The following MAPK4 variants were observed in gnomAD, a reference collection of about 807,000 sequenced individuals.
The protein encoded by MAPK4 is mitogen-activated protein kinase 4, also known as Erk3-related.
MAPK4 carries 22 observed loss-of-function variants against 47.7 expected under a neutral mutation model. The ratio of observed to expected loss-of-function variants is 0.46; its 90% CI spans 0.33 to 0.66. The LOEUF (loss-of-function observed/expected upper bound fraction) is 0.66, where lower values mean the gene tolerates loss of function less well. MAPK4 is among the 30% of genes least tolerant of loss of function. The probability of loss-of-function intolerance (pLI) is 0.02; values close to 1 mark genes in which losing one functional copy is unlikely to be tolerated. For synonymous variants in MAPK4, 390 were observed against 365.7 expected (o/e 1.07, Z -0.76); for missense variants, 736 against 831.7 (o/e 0.88, Z 1.42).
At chr18:50,654,691 A>G (rs144767587) in intron 1 of MAPK4, among the ~76,000 whole-genome samples, 108 of 152,330 alleles carry the variant, frequency 7.1e-4, no homozygotes, top group African/African-American at 2.5e-3. Flanking sequence ...CAGAAGCTGG[A>G]CTCAGCCTTC....
chr18:50,641,565 C>T (rs1434413253), intron 1 of MAPK4, among the ~76,000 whole-genome samples: 2 of 152,238 alleles, frequency 1.3e-5, no homozygotes, highest in East Asian at 3.9e-4. Flanking sequence ...TTTCAACATA[C>T]TGAAACCCTC....
chr18:50,633,120 A>G (rs1432865386), intron 1 of MAPK4, among the ~76,000 whole-genome samples: 2 of 152,208 alleles, frequency 1.3e-5, no homozygotes, highest in Non-Finnish European at 2.9e-5. Context: ...ATGTCTCTGT[A>G]TGGCAGGGAA....
intron 2 of MAPK4, among the ~76,000 whole-genome samples, chr18:50,707,425 C>T (rs1205785281): frequency 6.6e-6 from 1 of 152,010 alleles, no homozygotes; most frequent in Admixed American, 6.6e-5. Flanking sequence ...CAAAAATTAG[C>T]AAGGCATGGT....
chr18:50,696,287 C>G (rs1050022553), intron 2 of MAPK4, among the ~76,000 whole-genome samples: 5 of 152,200 alleles, frequency 3.3e-5, no homozygotes, highest in African/African-American at 9.6e-5. Context: ...CTTTGTTGGA[C>G]TCCCTTACAC....
At chr18:50,667,595 G>A (rs1005449060) in intron 2 of MAPK4, among the ~76,000 whole-genome samples, 13 of 152,150 alleles carry the variant, frequency 8.5e-5, no homozygotes, top group East Asian at 1.9e-4. Context: ...CTTTGAAGAA[G>A]ACCATGCTCA....
At chr18:50,605,498 T>G (rs1278546672) in intron 1 of MAPK4, among the ~76,000 whole-genome samples, 1 of 152,196 alleles carries the variant, frequency 6.6e-6, no homozygotes, top group African/African-American at 2.4e-5. Flanking sequence ...GGAAGCTGCT[T>G]CCACCTTGCA....
chr18:50,729,424 A>T lies in MAPK4; in HGVS notation c.1334A>T (p.Asp445Val). Residue 445 changes from aspartate to valine, a missense_variant, in exon 6 of 6, where the codon GAC becomes GTC. Asp to Val is a radical substitution (Grantham distance 152). Transcript: ENST00000400384. ...PSYLDKLLWR[D>V]NKPHHYSEPK... ...TACCTGGACAAGCTGCTGTGGCGCG[A>T]CAACAAGCCGCACCACTACTCGGAG... 1 of 1,547,996 alleles carries T rather than the reference A, an allele frequency of 6.5e-7. No homozygotes were observed. Among genetic ancestry groups the T allele is most frequent in the Non-Finnish European group, 8.7e-7 (1 of 1,146,868 alleles).
At chr18:50,580,042 A>G (rs2338830) in intron 1 of MAPK4, among the ~76,000 whole-genome samples, 3 of 152,038 alleles carry the variant, frequency 2.0e-5, no homozygotes, top group Non-Finnish European at 2.9e-5. Flanking sequence ...CATCTCCAAG[A>G]AGCTCTTGAG....
rs72921835 is a variant in MAPK4, at chr18:50,651,606, C to A, written c.-870-11483C>A. The stretch of plus-strand genomic sequence containing the variant: ...GGTCTGACTCTCAGGGTTTCATAAT[C>A]TTTCCATGAAGGAGGCACCCACAGA... On this transcript the variant is annotated intron_variant, in intron 1 of 5. Coordinates refer to ENST00000400384, the MANE Select transcript of MAPK4 (RefSeq NM_002747.4). Among the ~76,000 whole-genome samples the A allele has an allele frequency of 4.7e-3, 721 of 152,330 alleles. 2 individuals carry two copies. Among genetic ancestry groups the A allele is most frequent in the Non-Finnish European group, 7.5e-3 (509 of 68,026 alleles).
Position 50,730,094 on chromosome 18 carries a change from G to T in MAPK4, c.*240G>T. On this transcript the variant is annotated 3_prime_UTR_variant, in exon 6 of 6. Coordinates refer to ENST00000400384, the MANE Select transcript of MAPK4 (RefSeq NM_002747.4). ...AGGGGTTGATCACTTTCCTAGCAAA[G>T]GGGAGACCACATGTGGTGCACAGGG... is the stretch of plus-strand genomic sequence containing the variant. 1 of 408,424 alleles carries T rather than the reference G, an allele frequency of 2.4e-6. No individual in the cohort carries two copies. Among genetic ancestry groups the T allele is most frequent in the Admixed American group, 3.8e-5 (1 of 26,086 alleles). The allele number at this position is 408,424 out of a possible 1,614,324, so 25.3% of individuals were successfully genotyped here.
intron 1 of MAPK4, among the ~76,000 whole-genome samples, chr18:50,566,227 AT>A (rs2042197052): frequency 6.6e-6 from 1 of 152,210 alleles, no homozygotes; most frequent in Non-Finnish European, 1.5e-5. Flanking sequence ...CTAGTCTTTC[AT>A]TTGTATTTAA....
intron 1 of MAPK4, among the ~76,000 whole-genome samples, chr18:50,612,390 A>G (rs1487708262): frequency 1.3e-5 from 2 of 152,226 alleles, no homozygotes; most frequent in Non-Finnish European, 2.9e-5. Flanking sequence ...TGTGTCAGGG[A>G]TAATTCTAGG....
chr18:50,719,148 G>T (rs991068373), intron 3 of MAPK4, among the ~76,000 whole-genome samples: 8 of 151,886 alleles, frequency 5.3e-5, no homozygotes, highest in African/African-American at 1.9e-4. Flanking sequence ...CTGAAGTCAG[G>T]GCTTATGTCC....
chr18:50,595,572 G>A (rs1437993437), intron 1 of MAPK4, among the ~76,000 whole-genome samples: 1 of 152,208 alleles, frequency 6.6e-6, no homozygotes, highest in Non-Finnish European at 1.5e-5. Context: ...GCATGAGGAA[G>A]CTTTCTGGGG....
At chr18:50,598,745 T>G (rs1337098653) in intron 1 of MAPK4, among the ~76,000 whole-genome samples, 1 of 152,240 alleles carries the variant, frequency 6.6e-6, no homozygotes, top group Non-Finnish European at 1.5e-5. Context: ...TCATGTCTCC[T>G]CCGCTCTGAG....
In MAPK4 at chr18:50,729,584, G is replaced by GAGCAC; in HGVS notation, c.1495_1499dup (p.Gln501AlafsTer49). The stretch of plus-strand genomic sequence containing the variant: ...TCCTGGAGATCGCGCAGTGGGTCAA[G>GAGCAC]AGCACGCAGGGCGGCCCAGAGCACG... On this transcript the variant is annotated frameshift_variant, in exon 6 of 6. Transcript: ENST00000400384. LOFTEE classifies it high-confidence loss of function. 7.1e-7 allele frequency: 1 copy of GAGCAC among 1,416,140 alleles called. No homozygotes were observed. The highest frequency in any genetic ancestry group is 9.2e-7 in the Non-Finnish European group (1 of 1,085,926). 87.7% of individuals were successfully genotyped at this position (1,416,140 alleles called of 1,614,324 possible).
intron 2 of MAPK4, among the ~76,000 whole-genome samples, chr18:50,677,543 A>G (rs1053116408): frequency 2.0e-5 from 3 of 151,126 alleles, no homozygotes; most frequent in Admixed American, 6.6e-5. Flanking sequence ...CCACTGTGTC[A>G]TGTGTGTAAG....
rs1182252630 is a variant in MAPK4 at position 50,658,787 on chromosome 18, G to A, written c.-870-4302G>A. 2.0e-5 allele frequency among the ~76,000 whole-genome samples: 3 copies of A among 152,188 alleles called. No individual in the cohort carries two copies. The South Asian group carries it at 6.2e-4, about 32-fold the overall frequency. ...TCCTAGGTAGCTCCCTAGGAGGCCA[G>A]GCCTGGGATAGTGTCGCCTTGAGGG... is the stretch of plus-strand genomic sequence containing the variant. On this transcript the variant is annotated intron_variant, in intron 1 of 5. Transcript: ENST00000400384.
intron 2 of MAPK4, among the ~76,000 whole-genome samples, chr18:50,677,488 G>A (rs1176916467): frequency 6.6e-6 from 1 of 152,106 alleles, no homozygotes; most frequent in Non-Finnish European, 1.5e-5. Flanking sequence ...TGTGGCCCAG[G>A]AGTCCACGGA....
Sources: gnomAD v4.1 joint callset for allele counts (sites outside exome capture counted in the v4.1 genomes callset) on GRCh38, gnomAD v4.1.1 for gene constraint, MANE v1.5 for transcripts, NCBI Gene and HGNC (gene_info 2026-07-23, HGNC 2026-07-21) for gene names.